PRELID2: variants seen among roughly 807,000 people sequenced by gnomAD.
PRELID2 encodes PRELI domain containing 2.
PRELID2 carries 25 observed loss-of-function variants against 28.4 expected under a neutral mutation model. The ratio of observed to expected loss-of-function variants is 0.88; its 90% confidence interval spans 0.64 to 1.23. The LOEUF (loss-of-function observed/expected upper bound fraction) is 1.23. Ranked by LOEUF, PRELID2 falls within the 50% of genes most tolerant of loss-of-function variation. The pLI, the probability that PRELID2 is intolerant of heterozygous loss-of-function variation, is 0.00. For synonymous variants in PRELID2, 76 were observed against 71.6 expected (o/e 1.06, Z -0.31); for missense variants, 201 against 214.4 (o/e 0.94, Z 0.39).
Position 145,738,559 on chromosome 5 carries a change from G to A in PRELID2, n.70+26372C>T, listed in dbSNP as rs184589419. ...CAAAATTTTTAAAAATGCAAGAGAT[G>A]GGCTGAACATCAGAATGGGGAAAGG... On this transcript the variant is annotated intron_variant and non_coding_transcript_variant, in intron 1 of 2. Transcript: ENST00000510259. 1.5e-3 allele frequency among the ~76,000 whole-genome samples: 235 copies of A among 152,068 alleles called. 1 individual carries two copies. The highest frequency in any genetic ancestry group is 5.2e-3 in the African/African-American group (214 of 41,464).
chr5:145,820,020 TA>T lies in PRELID2; in HGVS notation c.134-3del, dbSNP rs777977191. 1.3e-6 allele frequency: 2 copies of T among 1,567,346 alleles called. No homozygotes were observed. The highest frequency in any genetic ancestry group is 2.2e-5 in the East Asian group (1 of 44,452). ...TGTAGATGACCCCTGTTGATTCATC[TA>T]AAAAAGAAATTTTTTTACACAAAAA... On this transcript the variant is annotated splice_polypyrimidine_tract_variant and splice_region_variant and intron_variant, in intron 2 of 6. Transcript: ENST00000683046.
chr5:145,297,997 A>G, the PRELID2 span, among the ~76,000 whole-genome samples: 1 of 152,314 alleles, frequency 6.6e-6, no homozygotes, highest in African/African-American at 2.4e-5. Context: ...AGAACATTCC[A>G]TTCTCATGGG....
At chr5:145,609,725 T>G (rs560531722) in intron 1 of PRELID2, among the ~76,000 whole-genome samples, 1 of 152,192 alleles carries the variant, frequency 6.6e-6, no homozygotes, top group East Asian at 1.9e-4. Flanking sequence ...ACCAGCTGAG[T>G]TCACACAGAA....
At chr5:145,816,327 C>T (rs1420633772) in intron 4 of PRELID2, among the ~76,000 whole-genome samples, 1 of 151,978 alleles carries the variant, frequency 6.6e-6, no homozygotes, top group East Asian at 1.9e-4. Context: ...AGTGATCACC[C>T]CGCCTTGGCC....
chr5:145,518,263 G>C (rs537175625), intron 1 of PRELID2, among the ~76,000 whole-genome samples: 1 of 152,008 alleles, frequency 6.6e-6, no homozygotes, highest in South Asian at 2.1e-4. Context: ...GCAGTGGCAC[G>C]ATCTCAGCTC....
At chr5:145,689,649 T>C (rs1372555318) in intron 1 of PRELID2, among the ~76,000 whole-genome samples, 1 of 152,100 alleles carries the variant, frequency 6.6e-6, no homozygotes, top group Non-Finnish European at 1.5e-5. Context: ...AGGACCAAAC[T>C]GAGAGCCATG....
the PRELID2 span, among the ~76,000 whole-genome samples, chr5:145,317,621 G>C: frequency 6.6e-6 from 1 of 152,190 alleles, no homozygotes; most frequent in Non-Finnish European, 1.5e-5. Context: ...TGGAGAAAAA[G>C]GAGAATCCAG....
chr5:145,376,918 G>A, the PRELID2 span, among the ~76,000 whole-genome samples: 4 of 151,670 alleles, frequency 2.6e-5, no homozygotes, highest in Non-Finnish European at 4.4e-5. Flanking sequence ...GTTATTTCTT[G>A]TCTTCTGCTA....
intron 1 of PRELID2, among the ~76,000 whole-genome samples, chr5:145,660,146 C>T (rs527236469): frequency 1.3e-5 from 2 of 152,120 alleles, no homozygotes; most frequent in Non-Finnish European, 2.9e-5. Flanking sequence ...CCTAAGGATT[C>T]ATAGTGAAGG....
At chr5:145,754,928 T>C (rs338885), downstream of PRELID2, among the ~76,000 whole-genome samples, 136,197 of 152,216 alleles carry the variant, frequency 0.89, 60,972 homozygotes, top group East Asian at 0.99. Context: ...TCAACTTATA[T>C]AATTCTGACT....
intron 5 of PRELID2, among the ~76,000 whole-genome samples, chr5:145,781,662 CTATATATATACACT>C (rs1180593065): frequency 6.9e-6 from 1 of 145,204 alleles, no homozygotes; most frequent in African/African-American, 2.5e-5. Context: ...TATATACACA[CTATATATATACACT>C]TATATATATA....
At chr5:145,799,417 T>A (rs1752983052) in intron 4 of PRELID2, among the ~76,000 whole-genome samples, 1 of 152,126 alleles carries the variant, frequency 6.6e-6, no homozygotes, top group African/African-American at 2.4e-5. Context: ...ATGGCTACTA[T>A]ATGCTAAGTG....
intron 1 of PRELID2, among the ~76,000 whole-genome samples, chr5:145,722,967 T>C (rs1756033883): frequency 6.6e-6 from 1 of 152,066 alleles, no homozygotes; most frequent in African/African-American, 2.4e-5. Flanking sequence ...AAACTATCAA[T>C]AACCAGAGAG....
At chr5:145,519,037 A>G (rs749746542) in intron 1 of PRELID2, among the ~76,000 whole-genome samples, 4 of 152,174 alleles carry the variant, frequency 2.6e-5, no homozygotes, top group Non-Finnish European at 5.9e-5. Context: ...TTGCCATGAC[A>G]TCATTTTACA....
chr5:145,817,296 A>C (rs1235630360), intron 4 of PRELID2, among the ~76,000 whole-genome samples: 19 of 143,102 alleles, frequency 1.3e-4, no homozygotes, highest in African/African-American at 4.7e-4. Flanking sequence ...TATGCTTCAC[A>C]AATGTTGTAA....
At chr5:145,694,692 G>A (rs1011732203) in intron 1 of PRELID2, among the ~76,000 whole-genome samples, 1 of 151,840 alleles carries the variant, frequency 6.6e-6, no homozygotes, top group South Asian at 2.1e-4. Flanking sequence ...AATGTCATTC[G>A]TTTGTTCACT....
chr5:145,347,009 TTA>T, the PRELID2 span, among the ~76,000 whole-genome samples: 2 of 152,174 alleles, frequency 1.3e-5, no homozygotes, highest in East Asian at 1.9e-4. Context: ...TCATCTGATT[TTA>T]TAGTGTTAAA....
At chr5:145,582,230 GA>G (rs1229091057) in intron 1 of PRELID2, among the ~76,000 whole-genome samples, 2 of 151,982 alleles carry the variant, frequency 1.3e-5, no homozygotes, top group Non-Finnish European at 2.9e-5. Context: ...GCTGAGACTG[GA>G]TAATTTATAA....
At chr5:145,386,791 T>C in the PRELID2 span, among the ~76,000 whole-genome samples, 1 of 152,196 alleles carries the variant, frequency 6.6e-6, no homozygotes, top group African/African-American at 2.4e-5. Flanking sequence ...GTTGAAATAA[T>C]AAATGAGCAC....
Sources: allele counts gnomAD v4.1 joint callset (sites outside exome capture counted in the v4.1 genomes callset), GRCh38; gene constraint gnomAD v4.1.1; transcripts MANE v1.5; gene names NCBI Gene and HGNC (gene_info 2026-07-23, HGNC 2026-07-21).